Variants in MKNK1 observed in about 807,000 individuals in gnomAD.
MKNK1 encodes the protein MAPK interacting serine/threonine kinase 1, also known as MAP kinase-interacting serine/threonine-protein kinase 1.
A neutral mutation model predicts 49.3 loss-of-function variants in MKNK1; 30 were observed. The ratio of observed to expected loss-of-function variants is 0.61; its 90% confidence interval spans 0.46 to 0.83. The LOEUF (loss-of-function observed/expected upper bound fraction) is 0.83. Among genes scored for constraint, MKNK1 ranks in the 40% least tolerant of loss-of-function variants. The pLI is 0.00. For synonymous variants in MKNK1, 176 were observed against 201.7 expected (o/e 0.87, Z 1.08); for missense variants, 423 against 524.7 (o/e 0.81, Z 1.89).
intron 8 of MKNK1, 60 bp from the exon 9 acceptor site, chr1:46,565,196 C>A (rs945731452): frequency 6.7e-7 from 1 of 1,503,368 alleles, no homozygotes. Flanking sequence ...CAAGAGGAGC[C>A]AGGCATGGCT....
In MKNK1 at chr1:46,568,437, A is replaced by G. The variant is rs1369006090; in HGVS notation, c.513+6T>C. On this transcript the variant is annotated splice_donor_region_variant and intron_variant, in intron 8 of 12. Transcript: ENST00000371945. ...ACTATAACATTCCAAATCAGGCCCA[A>G]AGTACCTTTTCTGGAGATTCACACA... 1 of 1,613,664 alleles carries G rather than the reference A, an allele frequency of 6.2e-7. No homozygotes were observed. The highest frequency in any genetic ancestry group is 8.5e-7 in the Non-Finnish European group (1 of 1,179,734).
chr1:46,591,716 A>G (rs1162719211), intron 2 of MKNK1, among the ~76,000 whole-genome samples: 1 of 152,198 alleles, frequency 6.6e-6, no homozygotes, highest in Non-Finnish European at 1.5e-5. Context: ...CCATTGTTTC[A>G]TGTAAAAATG....
intron 1 of MKNK1, among the ~76,000 whole-genome samples, chr1:46,596,330 ATTG>A (rs1674060355): frequency 2.6e-5 from 4 of 152,228 alleles, no homozygotes; most frequent in Non-Finnish European, 4.4e-5. Context: ...GTCATAAAAT[ATTG>A]ATCTTTTCTT....
At chr1:46,585,347 A>G (rs1179659704) in intron 2 of MKNK1, 2 of 150,684 alleles carry the variant, frequency 1.3e-5, no homozygotes, top group East Asian at 1.9e-4. Flanking sequence ...ATTAAAAGGA[A>G]AAAAGCTGCC....
intron 8 of MKNK1, among the ~76,000 whole-genome samples, chr1:46,565,751 C>A (rs1345206290): frequency 6.6e-6 from 1 of 152,132 alleles, no homozygotes; most frequent in East Asian, 1.9e-4. Flanking sequence ...ATCTCTGGAG[C>A]CAACCAGGAA....
Position 46,562,535 on chromosome 1 carries a change from C to G in MKNK1, c.804+114G>C, listed in dbSNP as rs1039617107. 1.1e-5 allele frequency: 13 copies of G among 1,226,508 alleles called. No individual in the cohort carries two copies. The Admixed American group carries it at 4.0e-4, about 37-fold the overall frequency. The allele number at this position is 1,226,508 out of a possible 1,614,324, so 76.0% of individuals were successfully genotyped here. ...ACCGTGACAGGAGCGGGAGAGGGCA[C>G]TATGAGCCCCCATCCCGATCAGGAA... is the stretch of plus-strand genomic sequence containing the variant. On this transcript the variant is annotated intron_variant, in intron 10 of 12. Transcript: ENST00000371945.
At position 46,576,568 on chromosome 1, in the gene MKNK1, TACTC is replaced by T. The variant is rs754912956; in HGVS notation, c.278+3_278+6del. ...CAGAGAAGCAGCGAGAATCACATGATACTCACTTGTTTCCCTGACACTGATACAG... is the reference window on the plus strand; with the variant it reads ...CAGAGAAGCAGCGAGAATCACATGATACTTGTTTCCCTGACACTGATACAG... On this transcript the variant is annotated splice_donor_5th_base_variant and intron_variant, in intron 5 of 12. Transcript: ENST00000371945. 2.7e-5 allele frequency: 44 copies of T among 1,611,516 alleles called. No homozygotes were observed. The highest frequency in any genetic ancestry group is 3.6e-5 in the Non-Finnish European group (42 of 1,177,794).
In MKNK1 at chr1:46,571,606, C is replaced by T. The variant is rs145959123; in HGVS notation, c.457+457G>A. ...TTTACTGTGAACAAGATATATTAAA[C>T]TACATATATCCTATCATGCCAATTT... On this transcript the variant is annotated intron_variant, in intron 7 of 12. Transcript: ENST00000371945. The T allele has an allele frequency of 5.7e-4, 216 of 379,188 alleles. 1 individual carries two copies. The East Asian group carries it at 0.012, about 21-fold the overall frequency. The allele number at this position is 379,188 out of a possible 1,614,324, so 23.5% of individuals were successfully genotyped here. A position where few individuals can be genotyped will look rare whatever the true frequency, so the allele number is the denominator to read the frequency against.
At chr1:46,585,762 C>T (rs1055514137) in intron 2 of MKNK1, 3 of 572,944 alleles carry the variant, frequency 5.2e-6, no homozygotes, top group Admixed American at 2.0e-5. Flanking sequence ...TATACTTGGT[C>T]TTTACCACAG....
Position 46,583,227 on chromosome 1 carries a change from C to T in MKNK1, c.100+1G>A, listed in dbSNP as rs748339059. 6.8e-6 allele frequency: 11 copies of T among 1,613,306 alleles called. No homozygotes were observed. The highest frequency in any genetic ancestry group is 9.3e-6 in the Non-Finnish European group (11 of 1,179,602). The stretch of plus-strand genomic sequence containing the variant: ...AGATATAGGGAAGTTGTGTGACCAA[C>T]CTTCAAACTTTCCTGGCAAGGAGTC... On this transcript the variant is annotated splice_donor_variant, in intron 3 of 12. Coordinates refer to ENST00000371945, the MANE Select transcript of MKNK1 (RefSeq NM_001135553.4). LOFTEE classifies it high-confidence loss of function.
intron 2 of MKNK1, chr1:46,586,115 T>C (rs942186378): frequency 3.0e-5 from 11 of 370,490 alleles, no homozygotes; most frequent in Non-Finnish European, 5.8e-5. Flanking sequence ...CCACACACTA[T>C]TTTCATCACA....
At chr1:46,581,766 G>T (rs1671786198) in intron 3 of MKNK1, among the ~76,000 whole-genome samples, 1 of 152,106 alleles carries the variant, frequency 6.6e-6, no homozygotes, top group Non-Finnish European at 1.5e-5. Context: ...GGATGCAAAG[G>T]ACACCTTGAG....
chr1:46,576,501 A>C, intron 5 of MKNK1, 74 bp downstream of exon 5: 1 of 1,236,020 alleles, frequency 8.1e-7, no homozygotes, highest in Non-Finnish European at 1.2e-6. Context: ...GAGTCAGGAG[A>C]TGGTAAGAAA....
At chr1:46,596,292 G>A (rs1274052009) in intron 1 of MKNK1, among the ~76,000 whole-genome samples, 2 of 152,192 alleles carry the variant, frequency 1.3e-5, no homozygotes, top group Non-Finnish European at 2.9e-5. Context: ...TTTGGACACT[G>A]AAATTTAAAT....
chr1:46,586,410 C>G, intron 2 of MKNK1: 1 of 165,536 alleles, frequency 6.0e-6, no homozygotes, highest in Non-Finnish European at 1.3e-5. Context: ...AGTTGGTGCT[C>G]CATCCTCTGC....
chr1:46,559,463 G>A (rs982320554), intron 12 of MKNK1, among the ~76,000 whole-genome samples: 5 of 152,208 alleles, frequency 3.3e-5, no homozygotes, highest in African/African-American at 4.8e-5. Flanking sequence ...TTTGGGAACA[G>A]GGCAGTCCAG....
intron 1 of MKNK1, among the ~76,000 whole-genome samples, chr1:46,599,981 T>A (rs777627680): frequency 1.3e-5 from 2 of 151,806 alleles, no homozygotes; most frequent in Non-Finnish European, 2.9e-5. Context: ...CACCAACTCC[T>A]CTCCCCTCCC....
At chr1:46,581,039 T>C (rs1570222231) in intron 3 of MKNK1, among the ~76,000 whole-genome samples, 1 of 151,708 alleles carries the variant, frequency 6.6e-6, no homozygotes, top group South Asian at 2.1e-4. Context: ...CTGGCCAACA[T>C]AGCAAGACCC....
intron 6 of MKNK1, among the ~76,000 whole-genome samples, chr1:46,572,518 G>A (rs1343793005): frequency 6.6e-6 from 1 of 151,934 alleles, no homozygotes; most frequent in African/African-American, 2.4e-5. Flanking sequence ...GCGCCTGGCC[G>A]TATAACTTCT....
Sources: gnomAD v4.1 joint callset for allele counts (sites outside exome capture counted in the v4.1 genomes callset) on GRCh38, gnomAD v4.1.1 for gene constraint, MANE v1.5 for transcripts, NCBI Gene and HGNC (gene_info 2026-07-23, HGNC 2026-07-21) for gene names.